SYNPR: variants seen among roughly 807,000 people sequenced by gnomAD.
SYNPR encodes synaptoporin.
Under a neutral mutation model 32.9 loss-of-function variants are expected in SYNPR, and 23 were observed. The observed-to-expected ratio is 0.70, with a 90% CI of 0.50 to 0.99. The LOEUF is 0.99. Among genes scored for constraint, SYNPR ranks in the 50% least tolerant of loss-of-function variants. The pLI is 0.00. For missense variants in SYNPR, 318 were observed against 349.3 expected (o/e 0.91, Z 0.71); for synonymous variants, 146 against 135.9 (o/e 1.07, Z -0.52).
intron 2 of SYNPR, among the ~76,000 whole-genome samples, chr3:63,348,809 T>C (rs2087470300): frequency 6.6e-6 from 1 of 152,212 alleles, no homozygotes; most frequent in Admixed American, 6.5e-5. Flanking sequence ...TATGTCTTTT[T>C]TGTGACTTTG....
chr3:63,555,851 C>T (rs954539384), intron 3 of SYNPR, among the ~76,000 whole-genome samples: 2 of 152,102 alleles, frequency 1.3e-5, no homozygotes, highest in Non-Finnish European at 2.9e-5. Flanking sequence ...TAATCAAATT[C>T]ATTACCAAGA....
chr3:63,552,188 G>A (rs1313652896), intron 3 of SYNPR, among the ~76,000 whole-genome samples: 5 of 152,164 alleles, frequency 3.3e-5, no homozygotes, highest in East Asian at 1.9e-4. Flanking sequence ...ATGAGCCACC[G>A]CACCCGGCCG....
chr3:63,467,352 G>A (rs1209709187), intron 2 of SYNPR, among the ~76,000 whole-genome samples: 3 of 152,178 alleles, frequency 2.0e-5, no homozygotes, highest in Non-Finnish European at 4.4e-5. Context: ...TAATTTACCA[G>A]TTTTTAAACT....
chr3:63,530,866 T>C (rs1702100619), intron 3 of SYNPR, among the ~76,000 whole-genome samples: 1 of 152,202 alleles, frequency 6.6e-6, no homozygotes, highest in African/African-American at 2.4e-5. Context: ...AGAGTGCCAG[T>C]ATAAACAAAT....
At chr3:63,401,213 G>T (rs1040174793) in intron 2 of SYNPR, among the ~76,000 whole-genome samples, 2 of 152,128 alleles carry the variant, frequency 1.3e-5, no homozygotes, top group African/African-American at 2.4e-5. Context: ...GTGGCGCAGG[G>T]GTGGGTAAGG....
chr3:63,355,606 G>A (rs1414690969), intron 2 of SYNPR, among the ~76,000 whole-genome samples: 3 of 152,138 alleles, frequency 2.0e-5, no homozygotes, highest in Non-Finnish European at 4.4e-5. Flanking sequence ...TAAAGGTTCT[G>A]AATCTTCCCT....
the SYNPR span, among the ~76,000 whole-genome samples, chr3:63,214,300 T>C: frequency 2.8e-5 from 1 of 35,844 alleles, no homozygotes; most frequent in African/African-American, 9.4e-5. Flanking sequence ...TTCCTCCTTG[T>C]ACCTCTGGTA....
intron 2 of SYNPR, among the ~76,000 whole-genome samples, chr3:63,309,836 G>T (rs1442129661): frequency 6.6e-6 from 1 of 151,880 alleles, no homozygotes; most frequent in Non-Finnish European, 1.5e-5. Context: ...CCTCATTTTT[G>T]TTCTATCCTG....
intron 2 of SYNPR, among the ~76,000 whole-genome samples, chr3:63,329,146 C>A (rs2087197958): frequency 6.6e-6 from 1 of 152,112 alleles, no homozygotes; most frequent in African/African-American, 2.4e-5. Context: ...CAGCAAACTG[C>A]CTCTCAAGTG....
At chr3:63,278,597 G>A in intron 1 of SYNPR, 46 bp downstream of exon 1, 2 of 1,550,774 alleles carry the variant, frequency 1.3e-6, no homozygotes, top group Non-Finnish European at 1.7e-6. Context: ...CAGGGGGCGG[G>A]GGATGCCGCG....
intron 2 of SYNPR, among the ~76,000 whole-genome samples, chr3:63,355,621 C>T (rs982552742): frequency 3.3e-5 from 5 of 152,216 alleles, no homozygotes; most frequent in African/African-American, 1.2e-4. Flanking sequence ...TTCCCTATAA[C>T]TTCTGATGCA....
At chr3:63,503,072 A>C (rs914619275) in intron 3 of SYNPR, among the ~76,000 whole-genome samples, 1 of 152,170 alleles carries the variant, frequency 6.6e-6, no homozygotes, top group African/African-American at 2.4e-5. Flanking sequence ...AAAGTAGCTG[A>C]GCCATTTTGC....
At chr3:63,510,941 A>C (rs1259102224) in intron 3 of SYNPR, among the ~76,000 whole-genome samples, 1 of 66,530 alleles carries the variant, frequency 1.5e-5, no homozygotes, top group Non-Finnish European at 3.9e-5. Context: ...GTGTGCGCGC[A>C]CGTTGTGTGT....
intron 3 of SYNPR, among the ~76,000 whole-genome samples, chr3:63,531,167 C>G (rs1263316527): frequency 6.6e-6 from 1 of 152,160 alleles, no homozygotes; most frequent in Non-Finnish European, 1.5e-5. Context: ...CAACAGAACA[C>G]AGTCCAGGGT....
At chr3:63,577,854 C>T (rs368322182) in intron 4 of SYNPR, among the ~76,000 whole-genome samples, 16 of 151,998 alleles carry the variant, frequency 1.1e-4, no homozygotes, top group South Asian at 2.1e-4. Context: ...ACGTAGGAGA[C>T]GGGTATTAGC....
upstream of SYNPR, among the ~76,000 whole-genome samples, chr3:63,226,697 G>A (rs2086130824): frequency 6.6e-6 from 1 of 152,114 alleles, no homozygotes; most frequent in African/African-American, 2.4e-5. Context: ...CCAGAGTTGG[G>A]GAATGCTGGG....
chr3:63,530,302 C>T (rs1349042976), intron 3 of SYNPR, among the ~76,000 whole-genome samples: 3 of 152,172 alleles, frequency 2.0e-5, no homozygotes, highest in African/African-American at 7.2e-5. Flanking sequence ...GCAGTCATGG[C>T]CGGCTGTGTT....
intron 2 of SYNPR, among the ~76,000 whole-genome samples, chr3:63,346,893 A>G (rs1397530057): frequency 6.6e-6 from 1 of 152,232 alleles, no homozygotes; most frequent in African/African-American, 2.4e-5. Context: ...CGATGGAGTA[A>G]TCTATAAGTT....
intron 2 of SYNPR, among the ~76,000 whole-genome samples, chr3:63,440,885 TG>T (rs1485772337): frequency 1.3e-5 from 2 of 152,242 alleles, no homozygotes; most frequent in East Asian, 3.9e-4. Flanking sequence ...GTGGATTTCA[TG>T]GGCTCTTTCT....
Sources: allele counts gnomAD v4.1 joint callset (sites outside exome capture counted in the v4.1 genomes callset), GRCh38; gene constraint gnomAD v4.1.1; transcripts MANE v1.5; gene names NCBI Gene and HGNC (gene_info 2026-07-23, HGNC 2026-07-21).